Variants in MAP4K3 observed in about 807,000 individuals in gnomAD.
MAP4K3 encodes mitogen-activated protein kinase kinase kinase kinase 3.
In MAP4K3, 94 loss-of-function variants were observed where a neutral mutation model predicts 143.5. The observed-to-expected ratio is 0.65, with a 90% CI of 0.55 to 0.78. MAP4K3 has a LOEUF of 0.78. Ranked by LOEUF, MAP4K3 falls within the 30% of genes least tolerant of loss-of-function variation. MAP4K3 has a pLI of 0.00. For synonymous variants in MAP4K3, 416 were observed against 347.2 expected (o/e 1.20, Z -2.20); for missense variants, 1,077 against 1,068.1 (o/e 1.01, Z -0.12).
intron 19 of MAP4K3, among the ~76,000 whole-genome samples, chr2:39,288,699 AAT>A (rs1359191062): frequency 6.6e-5 from 10 of 152,218 alleles, no homozygotes; most frequent in African/African-American, 2.4e-4. Context: ...TAGATGACTC[AAT>A]GTCTTTATGG....
intron 3 of MAP4K3, among the ~76,000 whole-genome samples, chr2:39,354,542 C>T (rs1218037520): frequency 6.6e-6 from 1 of 151,906 alleles, no homozygotes; most frequent in African/African-American, 2.4e-5. Context: ...CTCTTGAACC[C>T]GGGAAGTGGA....
Position 39,278,458 on chromosome 2 carries a change from T to C in MAP4K3, c.1743A>G (p.Glu581=). ...CATTAAGATTGAGGGTATAAATCCC[T>C]TCTTCGGCACCAAATATCAAGTACT... The part of the protein sequence containing the change: ...RDQYLIFGAE[E]GIYTLNLNEL... Residue 581 remains glutamate (E), a synonymous_variant, in exon 24 of 34, where the codon GAA becomes GAG. Transcript: ENST00000263881. 6.3e-7 allele frequency: 1 copy of C among 1,599,162 alleles called. No individual in the cohort carries two copies. Among genetic ancestry groups the C allele is most frequent in the Non-Finnish European group, 8.5e-7 (1 of 1,171,524 alleles).
intron 1 of MAP4K3, 30 bp from the exon 2 acceptor site, chr2:39,378,153 T>C: frequency 7.7e-7 from 1 of 1,293,036 alleles, no homozygotes; most frequent in African/African-American, 1.5e-5. Context: ...AGGATTATTG[T>C]GAAGAAAGCT....
chr2:39,257,257 C>T (rs1680377232), intron 31 of MAP4K3, among the ~76,000 whole-genome samples: 2 of 152,246 alleles, frequency 1.3e-5, no homozygotes, highest in Non-Finnish European at 2.9e-5. Flanking sequence ...ATGATTTTCA[C>T]CTTATTTTTC....
chr2:39,368,355 G>T (rs1279789723), intron 2 of MAP4K3, among the ~76,000 whole-genome samples: 1 of 152,090 alleles, frequency 6.6e-6, no homozygotes, highest in Non-Finnish European at 1.5e-5. Context: ...CCACCAACAA[G>T]AACAATGACA....
rs115312834 is a variant in MAP4K3 at position 39,412,783 on chromosome 2, G to A, written c.96+24109C>T. 2.1e-3 allele frequency among the ~76,000 whole-genome samples: 312 copies of A among 151,680 alleles called. 2 individuals carry two copies. The highest frequency in any genetic ancestry group is 7.1e-3 in the African/African-American group (295 of 41,362). On this transcript the variant is annotated intron_variant, in intron 1 of 33. Coordinates refer to ENST00000263881, the MANE Select transcript of MAP4K3 (RefSeq NM_003618.4). ...AATTTAAATATCATTAACTATTCTC[G>A]TCTTACAAATGAATAAATTGAGGCA...
chr2:39,301,317 G>T (rs2148490099), intron 15 of MAP4K3, among the ~76,000 whole-genome samples: 1 of 152,228 alleles, frequency 6.6e-6, no homozygotes, highest in Admixed American at 6.5e-5. Context: ...CAATGAAAAA[G>T]GACATCTGTA....
At chr2:39,391,652 G>A (rs911923381) in intron 1 of MAP4K3, among the ~76,000 whole-genome samples, 1 of 152,136 alleles carries the variant, frequency 6.6e-6, no homozygotes, top group Admixed American at 6.5e-5. Context: ...GACAACAGGT[G>A]CTCAAAATAT....
intron 24 of MAP4K3, among the ~76,000 whole-genome samples, chr2:39,275,912 G>A (rs564571413): frequency 6.6e-6 from 1 of 152,152 alleles, no homozygotes; most frequent in Admixed American, 6.5e-5. Context: ...TCACTCCGTT[G>A]CCCAGGCTGG....
intron 1 of MAP4K3, among the ~76,000 whole-genome samples, chr2:39,404,594 TC>T (rs1269613923): frequency 6.6e-6 from 1 of 151,232 alleles, no homozygotes; most frequent in Non-Finnish European, 1.5e-5. Context: ...TTCTGAGGTT[TC>T]TTTTTTTTTT....
At chr2:39,406,221 C>A (rs1422252126) in intron 1 of MAP4K3, among the ~76,000 whole-genome samples, 1 of 151,978 alleles carries the variant, frequency 6.6e-6, no homozygotes, top group East Asian at 1.9e-4. Context: ...AAAACAAGCA[C>A]ATCTGCAAGA....
chr2:39,408,639 C>CAAA (rs139980257), intron 1 of MAP4K3, among the ~76,000 whole-genome samples: 33 of 135,944 alleles, frequency 2.4e-4, no homozygotes, highest in South Asian at 1.6e-3. Context: ...GCAGATATGG[C>CAAA]AAAAAAAAAA....
In MAP4K3 at chr2:39,363,606, T is replaced by C. The variant is rs113279910; in HGVS notation, c.155-7267A>G. ...ATTGCTTGAACCCAGGAGGTGGAGG[T>C]TGCAGTGAGCCAAGACTGTGCCACT... is the stretch of plus-strand genomic sequence containing the variant. On this transcript the variant is annotated intron_variant, in intron 2 of 33. Transcript: ENST00000263881. 9.1e-5 allele frequency among the ~76,000 whole-genome samples: 13 copies of C among 142,502 alleles called. No homozygotes were observed. In the East Asian group the frequency reaches 1.7e-3, roughly 19 times the overall value. The allele number at this position is 142,502 out of a possible 152,430, so 93.5% of individuals were successfully genotyped here.
intron 15 of MAP4K3, among the ~76,000 whole-genome samples, chr2:39,300,429 TAG>T (rs1386042469): frequency 6.6e-6 from 1 of 152,204 alleles, no homozygotes; most frequent in African/African-American, 2.4e-5. Flanking sequence ...CTGTGGGTTA[TAG>T]AGTGTTAAGA....
intron 1 of MAP4K3, among the ~76,000 whole-genome samples, chr2:39,421,519 T>G (rs147745837): frequency 6.6e-6 from 1 of 152,216 alleles, no homozygotes; most frequent in African/African-American, 2.4e-5. Flanking sequence ...CCTGGGCCTA[T>G]TCTTGACCTT....
At chr2:39,260,887 A>T (rs1294697500) in intron 28 of MAP4K3, 110 bp from the exon 29 acceptor site, 1 of 709,452 alleles carries the variant, frequency 1.4e-6, no homozygotes, top group East Asian at 2.8e-5. Context: ...TTGTCACAGA[A>T]ATTCAGGTAA....
At chr2:39,406,846 G>A (rs569708920) in intron 1 of MAP4K3, among the ~76,000 whole-genome samples, 5 of 152,218 alleles carry the variant, frequency 3.3e-5, no homozygotes, top group African/African-American at 1.2e-4. Context: ...CTGTAATTGC[G>A]GTATGTAAAC....
intron 2 of MAP4K3, among the ~76,000 whole-genome samples, chr2:39,370,294 TTATCATGAATGATGTAACAACTACTC>T (rs1282058672): frequency 6.6e-6 from 1 of 152,228 alleles, no homozygotes; most frequent in Non-Finnish European, 1.5e-5. Context: ...TGAAGAATAA[TTATCATGAATGATGTAACAACTACTC>T]TATTCATGAT....
chr2:39,377,220 A>G (rs564900253), intron 2 of MAP4K3, among the ~76,000 whole-genome samples: 665 of 21,114 alleles, frequency 0.031, 2 homozygotes, highest in Non-Finnish European at 0.12. Flanking sequence ...TTTTTTAAAC[A>G]GAAAAAGTTT....
Sources: gnomAD v4.1 joint callset for allele counts (sites outside exome capture counted in the v4.1 genomes callset) on GRCh38, gnomAD v4.1.1 for gene constraint, MANE v1.5 for transcripts, NCBI Gene and HGNC (gene_info 2026-07-23, HGNC 2026-07-21) for gene names.